The following SLC26A5 variants were observed in gnomAD, a reference collection of about 807,000 sequenced individuals.
The protein encoded by SLC26A5 is solute carrier family 26 member 5.
Under a neutral mutation model 81.0 loss-of-function variants are expected in SLC26A5, and 51 were observed. The observed-to-expected ratio is 0.63, with a 90% confidence interval of 0.50 to 0.80. The LOEUF (loss-of-function observed/expected upper bound fraction) is 0.80. SLC26A5 is among the 30% of genes least tolerant of loss of function. The pLI, the probability that SLC26A5 is intolerant of heterozygous loss-of-function variation, is 0.00. For synonymous variants in SLC26A5, 325 were observed against 332.8 expected (o/e 0.98, Z 0.25); for missense variants, 771 against 905.8 (o/e 0.85, Z 1.91).
rs1444501539 is a variant in SLC26A5, at chr7:103,374,525, G to A, written c.2109C>T (p.Phe703=). The change falls in exon 20 of 20, where the codon TTC becomes TTT. Residue 703 remains phenylalanine, a synonymous_variant. Coordinates refer to ENST00000306312, the MANE Select transcript of SLC26A5 (RefSeq NM_198999.3). ...FENPALWELL[F]HSIHDAVLGS... ...CTAAAACTGCATCATGAATGCTGTG[G>A]AACAGCAGCTCCCATAGGGCAGGAT... is the stretch of plus-strand genomic sequence containing the variant. 2 of 1,613,544 alleles carry A rather than the reference G, an allele frequency of 1.2e-6. No individual in the cohort carries two copies. Among genetic ancestry groups the A allele is most frequent in the African/African-American group, 1.3e-5 (1 of 74,894 alleles).
chr7:103,415,871 C>A (rs917915741), intron 4 of SLC26A5, among the ~76,000 whole-genome samples: 1 of 152,040 alleles, frequency 6.6e-6, no homozygotes, highest in Non-Finnish European at 1.5e-5. Context: ...TTGATCATTT[C>A]TTCCTTCTGT....
rs770039606 is a variant in SLC26A5 at position 103,379,282 on chromosome 7, A to G, written c.1638T>C (p.Tyr546=). The part of the protein sequence containing the change: ...KIFQINAPIY[Y]ANSDLYSNAL... ...CATTGCTATACAAGTCGCTATTTGCATAGTAAATTGGTGCATTTATTTGAA... is the reference window on the plus strand; with the variant it reads ...CATTGCTATACAAGTCGCTATTTGCGTAGTAAATTGGTGCATTTATTTGAA... Residue 546 remains tyrosine, a synonymous_variant, in exon 16 of 20, where the codon TAT becomes TAC. Coordinates refer to ENST00000306312, the MANE Select transcript of SLC26A5 (RefSeq NM_198999.3). 2.5e-6 allele frequency: 4 copies of G among 1,611,720 alleles called. No homozygotes were observed. Among genetic ancestry groups the G allele is most frequent in the African/African-American group, 1.3e-5 (1 of 74,840 alleles).
chr7:103,439,194 C>T (rs986647521), intron 2 of SLC26A5, among the ~76,000 whole-genome samples: 3 of 152,070 alleles, frequency 2.0e-5, no homozygotes, highest in Non-Finnish European at 4.4e-5. Flanking sequence ...AAAGGGAAAC[C>T]GAAGCCCTCT....
At chr7:103,439,705 T>C (rs1196634341) in intron 2 of SLC26A5, among the ~76,000 whole-genome samples, 1 of 152,150 alleles carries the variant, frequency 6.6e-6, no homozygotes, top group Non-Finnish European at 1.5e-5. Flanking sequence ...ACCTAATTTT[T>C]GTGTTTTTAG....
At chr7:103,431,206 T>C (rs1826056569) in intron 2 of SLC26A5, among the ~76,000 whole-genome samples, 1 of 152,164 alleles carries the variant, frequency 6.6e-6, no homozygotes, top group Non-Finnish European at 1.5e-5. Context: ...TCCAACATAA[T>C]ATACACATGA....
chr7:103,376,152 T>G (rs1194343962), intron 19 of SLC26A5, among the ~76,000 whole-genome samples: 1 of 151,924 alleles, frequency 6.6e-6, no homozygotes, highest in Non-Finnish European at 1.5e-5. Context: ...GTTGGCTCAC[T>G]GCAACTTCTG....
At chr7:103,394,585 C>T (rs1195421515) in intron 9 of SLC26A5, among the ~76,000 whole-genome samples, 1 of 152,222 alleles carries the variant, frequency 6.6e-6, no homozygotes, top group African/African-American at 2.4e-5. Context: ...TCAACTGTCA[C>T]TTTCTGGGCA....
intron 14 of SLC26A5, among the ~76,000 whole-genome samples, chr7:103,385,587 T>C (rs1368809896): frequency 2.0e-5 from 3 of 151,780 alleles, no homozygotes; most frequent in African/African-American, 7.3e-5. Flanking sequence ...AACTCTAACA[T>C]ACAAAGACCC....
intron 2 of SLC26A5, among the ~76,000 whole-genome samples, chr7:103,431,132 A>G (rs966848247): frequency 6.6e-6 from 1 of 152,236 alleles, no homozygotes; most frequent in Admixed American, 6.5e-5. Flanking sequence ...AGATACTTCA[A>G]TAGAAAAGAG....
At position 103,410,452 on chromosome 7, in the gene SLC26A5, G is replaced by A. The variant is rs146515310; in HGVS notation, c.668C>T (p.Thr223Ile). The A allele has an allele frequency of 1.9e-6, 3 of 1,613,984 alleles. No individual in the cohort carries two copies. The highest frequency in any genetic ancestry group is 2.5e-6 in the Non-Finnish European group (3 of 1,179,900). The change falls in exon 7 of 20, where the codon ACC (threonine) becomes ATC (isoleucine). Residue 223 changes from threonine to isoleucine, a missense_variant. Transcript: ENST00000306312. ...TCCAAACAGATATTTTAACATGGAG[G>A]TGAAGACATGCACAGCTGCTGCGGT... ...FTTAAAVHVF[T>I]SMLKYLFGVK...
In SLC26A5 at chr7:103,367,716, C is replaced by A; in HGVS notation, c.2041+9092G>T. The A allele has an allele frequency of 6.2e-7, 1 of 1,612,544 alleles. No homozygotes were observed. The highest frequency in any genetic ancestry group is 1.1e-5 in the South Asian group (1 of 90,708). On this transcript the variant is annotated intron_variant, in intron 19 of 19. Transcript: ENST00000339444. The surrounding 1 kb of genome is among the most constrained non-coding windows in gnomAD (Gnocchi z 6.1). ...TTGTCAATTTTCTCATTTTTAGGGT[C>A]GGACCCACATATTTAAGATTCACGC...
At chr7:103,393,204 G>A in intron 9 of SLC26A5, 138 bp from the exon 10 acceptor site, 3 of 1,133,328 alleles carry the variant, frequency 2.6e-6, no homozygotes, top group African/African-American at 3.1e-5. Context: ...ATTTGCTCTG[G>A]TTGGCAAAAA....
chr7:103,412,181 C>T (rs984825216), intron 5 of SLC26A5, among the ~76,000 whole-genome samples: 1 of 152,162 alleles, frequency 6.6e-6, no homozygotes, highest in Non-Finnish European at 1.5e-5. Flanking sequence ...AAAGCTGCTA[C>T]ATTTTGGGGG....
chr7:103,372,507 G>A (rs1821096378), downstream of SLC26A5, among the ~76,000 whole-genome samples: 1 of 152,150 alleles, frequency 6.6e-6, no homozygotes, highest in African/African-American at 2.4e-5. Context: ...GTAGTGAGCT[G>A]GTAATTACAA....
exon 20 of SLC26A5, chr7:103,352,824 G>A (rs1819796114): frequency 1.3e-6 from 1 of 780,444 alleles, no homozygotes. Flanking sequence ...AGATTCCAGA[G>A]CTGGCATTCA....
At chr7:103,364,362 A>C in intron 19 of SLC26A5, 23 of 1,587,500 alleles carry the variant, frequency 1.4e-5, no homozygotes, top group Non-Finnish European at 2.0e-5. Flanking sequence ...TACAGTATGA[A>C]TGAAATTAAA....
chr7:103,353,160 A>G (rs1819821888), intron 19 of SLC26A5, among the ~76,000 whole-genome samples: 1 of 152,124 alleles, frequency 6.6e-6, no homozygotes, highest in African/African-American at 2.4e-5. Flanking sequence ...TACTCTCCAC[A>G]TGTGTTTTAA....
intron 8 of SLC26A5, among the ~76,000 whole-genome samples, chr7:103,401,603 T>C (rs529531980): frequency 2.9e-4 from 44 of 152,352 alleles, no homozygotes; most frequent in African/African-American, 1.0e-3. Flanking sequence ...CTATGTTGAA[T>C]AGGAGTGGTG....
chr7:103,441,662 A>G (rs1354942286), intron 2 of SLC26A5, among the ~76,000 whole-genome samples: 1 of 152,202 alleles, frequency 6.6e-6, no homozygotes, highest in Non-Finnish European at 1.5e-5. Context: ...GAAAATTTCA[A>G]GAGGCTATTA....
Sources: allele counts gnomAD v4.1 joint callset (sites outside exome capture counted in the v4.1 genomes callset), GRCh38; gene constraint gnomAD v4.1.1; non-coding constraint Gnocchi (gnomAD v3.1); transcripts MANE v1.5; gene names NCBI Gene and HGNC (gene_info 2026-07-23, HGNC 2026-07-21).